Variants in LINGO2 observed in about 807,000 individuals in gnomAD.
The protein encoded by LINGO2 is leucine rich repeat and Ig domain containing 2, also known as leucine-rich repeat and immunoglobulin-like domain-containing nogo receptor-interacting protein 2.
LINGO2 carries 14 observed loss-of-function variants against 30.6 expected under a neutral mutation model. The observed-to-expected ratio is 0.46, with a 90% CI of 0.30 to 0.72. The LOEUF (loss-of-function observed/expected upper bound fraction) is 0.72. LINGO2 is among the 30% of genes least tolerant of loss of function. The pLI, the probability that LINGO2 is intolerant of heterozygous loss-of-function variation, is 0.07. For missense variants in LINGO2, 729 were observed against 751.7 expected, an observed-to-expected ratio of 0.97 and a Z score of 0.35; for synonymous variants, 317 against 288.5, an observed-to-expected ratio of 1.10 and a Z score of -1.00.
the LINGO2 span, among the ~76,000 whole-genome samples, chr9:29,117,326 T>C: frequency 3.3e-5 from 5 of 152,148 alleles, no homozygotes; most frequent in African/African-American, 1.2e-4. Flanking sequence ...AAAGCCCCGA[T>C]TGTTAGTATT....
chr9:28,329,729 C>A lies in LINGO2; in HGVS notation c.-245-34363G>T, dbSNP rs1019489896. 2.0e-5 allele frequency among the ~76,000 whole-genome samples: 3 copies of A among 152,094 alleles called. No homozygotes were observed. Among genetic ancestry groups the A allele is most frequent in the Non-Finnish European group, 2.9e-5 (2 of 68,026 alleles). On this transcript the variant is annotated intron_variant, in intron 3 of 5. Transcript: ENST00000379992. The surrounding 1 kb of genome is among the most constrained non-coding windows in gnomAD (Gnocchi z 4.5). ...TCTTTATCTGGCTAATTTTAACTTG[C>A]CCTTCAAGACTTCAAACAGGCATGA... is the stretch of plus-strand genomic sequence containing the variant.
the LINGO2 span, among the ~76,000 whole-genome samples, chr9:28,923,130 C>T: frequency 6.6e-6 from 1 of 152,152 alleles, no homozygotes; most frequent in African/African-American, 2.4e-5. Context: ...GGGATCTCAG[C>T]CCTGCTGGCA....
intron 2 of LINGO2, among the ~76,000 whole-genome samples, chr9:28,407,278 G>T (rs894612364): frequency 9.9e-5 from 15 of 150,846 alleles, no homozygotes; most frequent in African/African-American, 3.7e-4. Context: ...AAAAAAGATA[G>T]AAAAATATAA....
intron 4 of LINGO2, among the ~76,000 whole-genome samples, chr9:28,250,722 A>T (rs1395507227): frequency 6.6e-6 from 1 of 152,160 alleles, no homozygotes; most frequent in East Asian, 1.9e-4. Flanking sequence ...CAGGATCTGG[A>T]CTTTTTATCC....
the LINGO2 span, among the ~76,000 whole-genome samples, chr9:29,031,514 C>T: frequency 1.3e-5 from 2 of 151,974 alleles, no homozygotes; most frequent in Non-Finnish European, 2.9e-5. Flanking sequence ...AACTCCTAAC[C>T]TCAAGTGATC....
chr9:27,996,982 T>C (rs1212944279), intron 5 of LINGO2, among the ~76,000 whole-genome samples: 2 of 152,232 alleles, frequency 1.3e-5, no homozygotes, highest in East Asian at 1.9e-4. Flanking sequence ...ACCTATTATT[T>C]TCAGCTTTAG....
Position 28,457,901 on chromosome 9 carries a change from A to G in LINGO2, c.-279+18039T>C, listed in dbSNP as rs938797728. On this transcript the variant is annotated intron_variant, in intron 2 of 5. Transcript: ENST00000379992. ...TACTGGGAGGCATAAATTTTCATTA[A>G]TAACACAACTCAGCCAAAGCATTCT... Among the ~76,000 whole-genome samples, 3 of 152,178 alleles carry G rather than the reference A, an allele frequency of 2.0e-5. No individual in the cohort carries two copies. The East Asian group carries it at 5.8e-4, about 29-fold the overall frequency.
chr9:28,558,442 TGTGTCCAC>T (rs2135539317), intron 1 of LINGO2, among the ~76,000 whole-genome samples: 1 of 152,170 alleles, frequency 6.6e-6, no homozygotes, highest in African/African-American at 2.4e-5. Flanking sequence ...ATTCCTATCC[TGTGTCCAC>T]GTGTCCTCCA....
chr9:28,740,715 C>T, the LINGO2 span, among the ~76,000 whole-genome samples: 3 of 151,856 alleles, frequency 2.0e-5, no homozygotes, highest in South Asian at 4.2e-4. Flanking sequence ...TTATTCAAAA[C>T]ATGTTTTGAA....
intron 4 of LINGO2, chr9:28,080,498 G>A (rs749691251): frequency 1.3e-5 from 2 of 152,116 alleles, no homozygotes; most frequent in Non-Finnish European, 2.9e-5. Context: ...CTTGTCATTT[G>A]CATCTTAGTT....
In LINGO2 at chr9:28,157,501, T is replaced by A. The variant is rs146389870; in HGVS notation, c.-87+137707A>T. ...TGCCATGAAGGCCTCTGACGTGCCC[T>A]GGAGACATTTTCCCCATTGTATTGG... On this transcript the variant is annotated intron_variant, in intron 4 of 5. Coordinates refer to ENST00000379992, the Ensembl canonical transcript of LINGO2. Among the ~76,000 whole-genome samples the A allele has an allele frequency of 1.5e-4, 23 of 152,346 alleles. No individual in the cohort carries two copies. The East Asian group carries it at 4.3e-3, about 28-fold the overall frequency.
chr9:28,758,563 C>T, the LINGO2 span, among the ~76,000 whole-genome samples: 1 of 151,964 alleles, frequency 6.6e-6, no homozygotes, highest in Non-Finnish European at 1.5e-5. Flanking sequence ...TTGTCATCAT[C>T]CCTCTGAGCA....
the LINGO2 span, among the ~76,000 whole-genome samples, chr9:28,872,757 T>G: frequency 6.6e-6 from 1 of 152,164 alleles, no homozygotes; most frequent in Admixed American, 6.6e-5. Context: ...TAGCTTAAAG[T>G]TCTGCACCTA....
At chr9:28,931,878 G>A in the LINGO2 span, among the ~76,000 whole-genome samples, 1 of 151,592 alleles carries the variant, frequency 6.6e-6, no homozygotes, top group Admixed American at 6.6e-5. Context: ...GGGAGGCTGA[G>A]GCGGGTGGGT....
chr9:29,056,395 T>C, the LINGO2 span, among the ~76,000 whole-genome samples: 7 of 152,206 alleles, frequency 4.6e-5, no homozygotes, highest in African/African-American at 1.7e-4. Flanking sequence ...GCATATCTTC[T>C]TTTGAGAACT....
chr9:28,010,220 T>C (rs1039286578), intron 5 of LINGO2, among the ~76,000 whole-genome samples: 1 of 152,230 alleles, frequency 6.6e-6, no homozygotes, highest in East Asian at 1.9e-4. Context: ...AACCACTGAA[T>C]TGTATACCTA....
chr9:28,518,117 G>A (rs1168801790), intron 1 of LINGO2, among the ~76,000 whole-genome samples: 1 of 152,094 alleles, frequency 6.6e-6, no homozygotes, highest in African/African-American at 2.4e-5. Flanking sequence ...CAGCAGGAGA[G>A]GCTCAGAGAG....
chr9:28,664,274 T>A (rs1429771501), intron 1 of LINGO2, among the ~76,000 whole-genome samples: 1 of 152,132 alleles, frequency 6.6e-6, no homozygotes, highest in Non-Finnish European at 1.5e-5. Flanking sequence ...GTACTGCTTT[T>A]TTTGTTACTT....
At chr9:28,623,617 G>A (rs1035566601) in intron 1 of LINGO2, among the ~76,000 whole-genome samples, 2 of 151,994 alleles carry the variant, frequency 1.3e-5, no homozygotes, top group Non-Finnish European at 2.9e-5. Context: ...GTAATTTAAA[G>A]TTAGGTATTG....
Sources: allele counts gnomAD v4.1 joint callset (sites outside exome capture counted in the v4.1 genomes callset), GRCh38; gene constraint gnomAD v4.1.1; non-coding constraint Gnocchi (gnomAD v3.1); transcripts MANE v1.5; gene names NCBI Gene and HGNC (gene_info 2026-07-23, HGNC 2026-07-21).